The following TDP1 variants were observed in gnomAD, a reference collection of about 807,000 sequenced individuals.
The protein encoded by TDP1 is tyr-DNA phosphodiesterase 1.
A neutral mutation model predicts 81.5 loss-of-function variants in TDP1; 64 were observed. The ratio of observed to expected loss-of-function variants is 0.79; its 90% CI spans 0.64 to 0.97. The LOEUF (loss-of-function observed/expected upper bound fraction) is 0.97, where lower values mean the gene tolerates loss of function less well. TDP1 is among the 50% of genes least tolerant of loss of function. The probability of loss-of-function intolerance (pLI) is 0.00; values close to 1 mark genes in which losing one functional copy is unlikely to be tolerated. For synonymous variants in TDP1, 256 were observed against 264.3 expected, an observed-to-expected ratio of 0.97 and a Z score of 0.30; for missense variants, 723 against 743.8, an observed-to-expected ratio of 0.97 and a Z score of 0.33.
At chr14:89,985,574 C>T (rs527257294) in intron 10 of TDP1, among the ~76,000 whole-genome samples, 1 of 152,244 alleles carries the variant, frequency 6.6e-6, no homozygotes, top group East Asian at 1.9e-4. Flanking sequence ...GTAAAGACTA[C>T]AACTGAGCTA....
chr14:90,024,405 C>T (rs1289223310), intron 15 of TDP1, among the ~76,000 whole-genome samples: 1 of 152,190 alleles, frequency 6.6e-6, no homozygotes, highest in Non-Finnish European at 1.5e-5. Flanking sequence ...CATATCCCAC[C>T]TTGCATTGTG....
intron 14 of TDP1, among the ~76,000 whole-genome samples, chr14:90,011,360 G>GGC (rs1884680051): frequency 6.6e-6 from 1 of 152,178 alleles, no homozygotes; most frequent in South Asian, 2.1e-4. Flanking sequence ...CTGGGTAACA[G>GGC]GCAGAGGTTG....
intron 14 of TDP1, among the ~76,000 whole-genome samples, chr14:90,002,715 A>C (rs1897286457): frequency 6.6e-6 from 1 of 151,446 alleles, no homozygotes; most frequent in South Asian, 2.1e-4. Context: ...ACAAAAAAAA[A>C]AAAAAAGGCG....
At chr14:89,992,012 T>C in intron 13 of TDP1, 29 bp downstream of exon 13, 2 of 1,593,344 alleles carry the variant, frequency 1.3e-6, no homozygotes, top group Non-Finnish European at 1.7e-6. Context: ...CTGCTGCTAT[T>C]GCTTCTTTAG....
intron 7 of TDP1, among the ~76,000 whole-genome samples, chr14:89,977,517 C>T (rs895756834): frequency 2.6e-5 from 4 of 152,140 alleles, no homozygotes; most frequent in African/African-American, 7.2e-5. Flanking sequence ...AGGCTGGTCT[C>T]GAACTCCTGA....
intron 16 of TDP1, among the ~76,000 whole-genome samples, chr14:90,040,652 G>A (rs940060343): frequency 6.6e-6 from 1 of 152,224 alleles, no homozygotes; most frequent in Non-Finnish European, 1.5e-5. Flanking sequence ...TTTTAAATAC[G>A]TGCATGAATT....
In TDP1 at chr14:89,971,168, T is replaced by C; in HGVS notation, c.660-7T>C. 6.2e-7 allele frequency: 1 copy of C among 1,612,666 alleles called. No individual in the cohort carries two copies. The highest frequency in any genetic ancestry group is 8.5e-7 in the Non-Finnish European group (1 of 1,178,866). On this transcript the variant is annotated splice_polypyrimidine_tract_variant and splice_region_variant and intron_variant, in intron 5 of 16. Coordinates refer to ENST00000335725, the MANE Select transcript of TDP1 (RefSeq NM_018319.4). ...ATGTATATTAAATACTAATGCTCTCTTTTTAGGAAGAAGCCAATCCTGCTT... is the reference window on the plus strand; with the variant it reads ...ATGTATATTAAATACTAATGCTCTCCTTTTAGGAAGAAGCCAATCCTGCTT...
At chr14:89,989,192 ATTC>A in intron 11 of TDP1, 102 bp downstream of exon 11, 1 of 714,456 alleles carries the variant, frequency 1.4e-6, no homozygotes, top group Non-Finnish European at 2.0e-6. Context: ...TTATTCTGTG[ATTC>A]TTTTTTTTTT....
chr14:89,955,940 C>G lies in TDP1; in HGVS notation c.-261C>G, dbSNP rs947989462. On this transcript the variant is annotated 5_prime_UTR_variant, in exon 1 of 17. It adds an upstream start codon to the 5' untranslated region. Transcript: ENST00000335725. Reference sequence around the variant, plus strand: ...GCGGCGGCCGCCGAAGGGGCGGGATCCGAGGCAAGCGTTGGTTCTGTGCGC... The same window carrying G: ...GCGGCGGCCGCCGAAGGGGCGGGATGCGAGGCAAGCGTTGGTTCTGTGCGC... 1 of 152,342 alleles carries G rather than the reference C, an allele frequency of 6.6e-6. No homozygotes were observed. Among genetic ancestry groups the G allele is most frequent in the African/African-American group, 2.4e-5 (1 of 41,458 alleles). The allele number at this position is 152,342 out of a possible 1,614,324, so 9.4% of individuals were successfully genotyped here.
At chr14:89,967,253 T>C in intron 4 of TDP1, 114 bp from the exon 5 acceptor site, 7 of 1,305,346 alleles carry the variant, frequency 5.4e-6, no homozygotes, top group Non-Finnish European at 6.7e-6. Context: ...AAATAATACA[T>C]GTAGTGTATC....
intron 6 of TDP1, among the ~76,000 whole-genome samples, chr14:89,975,210 G>A (rs1345177811): frequency 6.6e-6 from 1 of 152,108 alleles, no homozygotes; most frequent in East Asian, 1.9e-4. Flanking sequence ...TAAGTAGCTG[G>A]GACTACAGGC....
At chr14:90,004,262 T>C (rs1011525384) in intron 14 of TDP1, among the ~76,000 whole-genome samples, 20 of 152,162 alleles carry the variant, frequency 1.3e-4, no homozygotes, top group African/African-American at 4.8e-4. Context: ...ACCCCTGACT[T>C]AGTGCCTCTA....
chr14:90,017,101 G>A (rs1452124997), intron 14 of TDP1, among the ~76,000 whole-genome samples: 3 of 152,196 alleles, frequency 2.0e-5, no homozygotes, highest in Non-Finnish European at 4.4e-5. Flanking sequence ...TGGATTCCAT[G>A]TGGAGAACAG....
chr14:90,022,748 AAGT>A, intron 15 of TDP1: 5 of 985,402 alleles, frequency 5.1e-6, no homozygotes, highest in Non-Finnish European at 2.4e-6. Flanking sequence ...TCTGGAAAAA[AAGT>A]AGACCTTTGC....
intron 4 of TDP1, chr14:89,966,880 G>T: frequency 1.8e-6 from 1 of 565,118 alleles, no homozygotes; most frequent in Non-Finnish European, 2.2e-6. Context: ...AGATGTAATT[G>T]TTAGAAGCCT....
chr14:89,956,394 C>T (rs541296928), intron 1 of TDP1, 184 bp from the exon 2 acceptor site: 1 of 152,354 alleles, frequency 6.6e-6, no homozygotes, highest in Non-Finnish European at 1.5e-5. Flanking sequence ...ATAGAGTTGT[C>T]CTGAGGGTGA....
At chr14:89,965,654 G>A in intron 3 of TDP1, 1 of 371,446 alleles carries the variant, frequency 2.7e-6, no homozygotes, top group Non-Finnish European at 3.7e-6. Flanking sequence ...AGGAATGTGA[G>A]TTGATAATTG....
chr14:89,992,053 GT>G (rs35621567), intron 13 of TDP1, 70 bp downstream of exon 13: 108,328 of 1,084,774 alleles, frequency 0.1, 11,057 homozygotes, highest in African/African-American at 0.56. Flanking sequence ...TCACTGGTTT[GT>G]TTTTTTTTTT....
Position 89,984,497 on chromosome 14 carries a change from G to T in TDP1, c.885-19G>T. Reference sequence around the variant, plus strand: ...TCAGTTGTGTGCCTGACTGTTAAAGGTTATTTTTTTAATTCCAGAATATGG... The same window carrying T: ...TCAGTTGTGTGCCTGACTGTTAAAGTTTATTTTTTTAATTCCAGAATATGG... On this transcript the variant is annotated intron_variant, in intron 8 of 16. Coordinates refer to ENST00000335725, the MANE Select transcript of TDP1 (RefSeq NM_018319.4). 6.2e-7 allele frequency: 1 copy of T among 1,613,874 alleles called. No individual in the cohort carries two copies. The highest frequency in any genetic ancestry group is 8.5e-7 in the Non-Finnish European group (1 of 1,179,978).
Sources: gnomAD v4.1 joint callset for allele counts (sites outside exome capture counted in the v4.1 genomes callset) on GRCh38, gnomAD v4.1.1 for gene constraint, MANE v1.5 for transcripts, NCBI Gene and HGNC (gene_info 2026-07-23, HGNC 2026-07-21) for gene names.